Variants in CTNNA3 observed in about 807,000 individuals in gnomAD.
CTNNA3 encodes the protein catenin alpha-3.
Under a neutral mutation model 95.7 loss-of-function variants are expected in CTNNA3, and 76 were observed. The ratio of observed to expected loss-of-function variants is 0.79; its 90% confidence interval spans 0.66 to 0.96. The LOEUF is 0.96. CTNNA3 is among the 40% of genes least tolerant of loss of function. The pLI, the probability that CTNNA3 is intolerant of heterozygous loss-of-function variation, is 0.00. For missense variants in CTNNA3, 1,191 were observed against 1,089.8 expected (o/e 1.09, Z -1.31); for synonymous variants, 431 against 374.4 (o/e 1.15, Z -1.74).
chr10:66,042,526 A>C (rs979050883), intron 15 of CTNNA3, among the ~76,000 whole-genome samples: 1 of 152,128 alleles, frequency 6.6e-6, no homozygotes, highest in African/African-American at 2.4e-5. Flanking sequence ...AAGGGAAAGG[A>C]TAATTGATGA....
At chr10:66,652,118 A>G (rs1173795216) in intron 9 of CTNNA3, among the ~76,000 whole-genome samples, 1 of 135,218 alleles carries the variant, frequency 7.4e-6, no homozygotes, top group East Asian at 2.4e-4. Context: ...AAAAAAAAAA[A>G]ACTAAGCCCA....
intron 7 of CTNNA3, among the ~76,000 whole-genome samples, chr10:66,918,369 T>A (rs1184663163): frequency 1.3e-5 from 2 of 152,220 alleles, no homozygotes; most frequent in Non-Finnish European, 2.9e-5. Context: ...AAAGTAGAAG[T>A]ACAACTTTAC....
intron 13 of CTNNA3, among the ~76,000 whole-genome samples, chr10:66,172,048 CG>C (rs1322709726): frequency 8.5e-5 from 13 of 152,128 alleles, no homozygotes; most frequent in Admixed American, 8.5e-4. Context: ...AATACACTGG[CG>C]TTGTTTGATC....
chr10:66,716,422 C>T (rs1848451502), intron 9 of CTNNA3, among the ~76,000 whole-genome samples: 1 of 152,158 alleles, frequency 6.6e-6, no homozygotes, highest in Non-Finnish European at 1.5e-5. Context: ...AGATGTTCAT[C>T]TCTCATATTG....
chr10:67,122,314 A>T (rs2394335), intron 7 of CTNNA3, among the ~76,000 whole-genome samples: 5 of 151,790 alleles, frequency 3.3e-5, no homozygotes, highest in Non-Finnish European at 5.9e-5. Flanking sequence ...CCCTTTGTCC[A>T]AAAAAAGATT....
intron 1 of CTNNA3, among the ~76,000 whole-genome samples, chr10:67,712,596 C>T (rs1265380636): frequency 6.6e-6 from 1 of 152,218 alleles, no homozygotes; most frequent in Non-Finnish European, 1.5e-5. Context: ...AAGCCCCAAG[C>T]CTTGGCAGCT....
chr10:66,963,971 C>T (rs532145495), intron 7 of CTNNA3, among the ~76,000 whole-genome samples: 87 of 152,014 alleles, frequency 5.7e-4, no homozygotes, highest in Non-Finnish European at 1.0e-3. Context: ...CTCAGCCTCC[C>T]GAGTGGCTGG....
At chr10:67,600,533 T>C (rs1843054051) in intron 3 of CTNNA3, among the ~76,000 whole-genome samples, 1 of 152,184 alleles carries the variant, frequency 6.6e-6, no homozygotes, top group Non-Finnish European at 1.5e-5. Context: ...ATAATACCAC[T>C]ACATACATTT....
chr10:66,853,141 C>T (rs61476879), intron 7 of CTNNA3, among the ~76,000 whole-genome samples: 14 of 152,172 alleles, frequency 9.2e-5, no homozygotes, highest in East Asian at 3.9e-4. Context: ...CTATATGCAA[C>T]GCAAATTTTA....
chr10:66,442,678 G>C (rs1018373301), intron 11 of CTNNA3, among the ~76,000 whole-genome samples: 2 of 152,130 alleles, frequency 1.3e-5, no homozygotes, highest in African/African-American at 4.8e-5. Flanking sequence ...ACTTGTGGTG[G>C]AGCCAAGATG....
intron 9 of CTNNA3, among the ~76,000 whole-genome samples, chr10:66,662,411 G>A (rs2132446355): frequency 6.6e-6 from 1 of 152,248 alleles, no homozygotes; most frequent in South Asian, 2.1e-4. Context: ...TACTGTCCTA[G>A]ATGACCATCT....
intron 5 of CTNNA3, among the ~76,000 whole-genome samples, chr10:67,492,828 A>G (rs1838894820): frequency 6.6e-6 from 1 of 152,118 alleles, no homozygotes; most frequent in Non-Finnish European, 1.5e-5. Flanking sequence ...CCACCCAACA[A>G]CTGCTAATAA....
At chr10:66,865,620 T>C (rs1426727294) in intron 7 of CTNNA3, among the ~76,000 whole-genome samples, 1 of 152,142 alleles carries the variant, frequency 6.6e-6, no homozygotes, top group African/African-American at 2.4e-5. Context: ...GCAATTATAT[T>C]ATATAAAATA....
chr10:67,017,231 T>C (rs1424191380), intron 7 of CTNNA3, among the ~76,000 whole-genome samples: 1 of 152,222 alleles, frequency 6.6e-6, no homozygotes, highest in African/African-American at 2.4e-5. Flanking sequence ...AGGGCTATGT[T>C]AGATCTAAAA....
intron 11 of CTNNA3, among the ~76,000 whole-genome samples, chr10:66,475,250 A>G (rs999217384): frequency 5.9e-5 from 9 of 152,080 alleles, no homozygotes; most frequent in African/African-American, 1.2e-4. Flanking sequence ...ATCTTTTACC[A>G]TATACAAAAT....
At chr10:67,267,200 G>A (rs1866864887) in intron 5 of CTNNA3, among the ~76,000 whole-genome samples, 1 of 152,052 alleles carries the variant, frequency 6.6e-6, no homozygotes, top group Admixed American at 6.6e-5. Flanking sequence ...AGAACAAACT[G>A]TAGCCATTTT....
chr10:67,616,779 A>C (rs1843670743), intron 2 of CTNNA3, among the ~76,000 whole-genome samples: 1 of 152,242 alleles, frequency 6.6e-6, no homozygotes, highest in Non-Finnish European at 1.5e-5. Flanking sequence ...GAATTGAAAG[A>C]GGTAAAAGTT....
intron 9 of CTNNA3, among the ~76,000 whole-genome samples, chr10:66,659,717 T>C (rs1846193811): frequency 6.6e-6 from 1 of 152,142 alleles, no homozygotes; most frequent in African/African-American, 2.4e-5. Context: ...TTATCTCTTC[T>C]GCCATGTGAG....
chr10:66,564,404 C>T (rs1842644251), intron 10 of CTNNA3, among the ~76,000 whole-genome samples: 1 of 152,142 alleles, frequency 6.6e-6, no homozygotes, highest in African/African-American at 2.4e-5. Flanking sequence ...TAGATGGCTA[C>T]TCTTCCCTGT....
Sources: allele counts gnomAD v4.1 joint callset (sites outside exome capture counted in the v4.1 genomes callset), GRCh38; gene constraint gnomAD v4.1.1; transcripts MANE v1.5; gene names NCBI Gene and HGNC (gene_info 2026-07-23, HGNC 2026-07-21).